RBFOX1: variants seen among roughly 807,000 people sequenced by gnomAD.
RBFOX1 encodes RNA binding fox-1 homolog 1, also known as RNA binding protein fox-1 homolog 1.
RBFOX1 carries 8 observed loss-of-function variants against 57.7 expected under a neutral mutation model. The observed-to-expected ratio is 0.14, with a 90% CI of 0.08 to 0.25. The LOEUF (loss-of-function observed/expected upper bound fraction) is 0.25, where lower values mean the gene tolerates loss of function less well. Ranked by LOEUF, RBFOX1 falls within the 10% of genes least tolerant of loss-of-function variation. The probability of loss-of-function intolerance (pLI) is 1.00; values close to 1 mark genes in which losing one functional copy is unlikely to be tolerated. For missense variants in RBFOX1, 611 were observed against 548.5 expected (o/e 1.11, Z -1.14); for synonymous variants, 326 against 222.4 (o/e 1.47, Z -4.15).
intron 2 of RBFOX1, among the ~76,000 whole-genome samples, chr16:5,521,467 A>G (rs890807039): frequency 2.0e-4 from 31 of 152,138 alleles, no homozygotes; most frequent in African/African-American, 7.5e-4. Context: ...ATCTCTTTGT[A>G]TCCTCCATCT....
chr16:7,412,785 G>A (rs1048547116), intron 4 of RBFOX1, among the ~76,000 whole-genome samples: 2 of 152,218 alleles, frequency 1.3e-5, no homozygotes, highest in Non-Finnish European at 2.9e-5. Flanking sequence ...GCTCACGCCT[G>A]TGATCCCAGA....
chr16:6,788,909 A>C (rs1398027646), intron 3 of RBFOX1, among the ~76,000 whole-genome samples: 1 of 152,170 alleles, frequency 6.6e-6, no homozygotes, highest in African/African-American at 2.4e-5. Context: ...CTAAGAACTC[A>C]GCGTCCCCAA....
chr16:5,527,451 G>C (rs760083258), intron 2 of RBFOX1, among the ~76,000 whole-genome samples: 2 of 152,198 alleles, frequency 1.3e-5, no homozygotes, highest in Non-Finnish European at 2.9e-5. Flanking sequence ...GCATTGGAAA[G>C]TTGGAAGCAA....
intron 4 of RBFOX1, among the ~76,000 whole-genome samples, chr16:5,974,674 A>G (rs886766982): frequency 1.3e-5 from 2 of 152,118 alleles, no homozygotes; most frequent in Non-Finnish European, 2.9e-5. Flanking sequence ...TAAGGATTTC[A>G]TTAGTTGTAA....
chr16:6,961,125 A>G (rs1225628701), intron 3 of RBFOX1, among the ~76,000 whole-genome samples: 1 of 146,428 alleles, frequency 6.8e-6, no homozygotes, highest in African/African-American at 2.6e-5. Flanking sequence ...CCTGGGCAAT[A>G]GAGACTCCAT....
chr16:7,301,530 G>A (rs2096032993), intron 4 of RBFOX1, among the ~76,000 whole-genome samples: 1 of 152,198 alleles, frequency 6.6e-6, no homozygotes, highest in Admixed American at 6.5e-5. Context: ...TCCAACTTTG[G>A]GGAGAAAACG....
chr16:5,898,533 T>A (rs951100103), intron 4 of RBFOX1, among the ~76,000 whole-genome samples: 2 of 151,974 alleles, frequency 1.3e-5, no homozygotes, highest in African/African-American at 4.8e-5. Context: ...GGGTTTTTTT[T>A]TTTTTGGTCA....
chr16:7,511,630 T>C (rs774630627), intron 4 of RBFOX1, among the ~76,000 whole-genome samples: 6 of 152,176 alleles, frequency 3.9e-5, no homozygotes, highest in Non-Finnish European at 7.3e-5. Context: ...CTTTTTTTTT[T>C]GCTTTTATGA....
At chr16:6,772,531 G>T (rs1338353282) in intron 3 of RBFOX1, among the ~76,000 whole-genome samples, 1 of 151,114 alleles carries the variant, frequency 6.6e-6, no homozygotes, top group Non-Finnish European at 1.5e-5. Flanking sequence ...TGGGTATGGG[G>T]CGCATTTGTG....
At chr16:6,817,705 AG>A (rs1179079745) in intron 3 of RBFOX1, among the ~76,000 whole-genome samples, 1 of 151,754 alleles carries the variant, frequency 6.6e-6, no homozygotes, top group Non-Finnish European at 1.5e-5. Context: ...TCTGTCTCAA[AG>A]AAAAAAAAAA....
intron 4 of RBFOX1, among the ~76,000 whole-genome samples, chr16:5,879,447 A>G (rs1029402468): frequency 6.6e-6 from 1 of 152,168 alleles, no homozygotes; most frequent in Non-Finnish European, 1.5e-5. Context: ...CTCCTGCCTC[A>G]GGCTCCTAGG....
intron 3 of RBFOX1, among the ~76,000 whole-genome samples, chr16:6,856,490 C>A (rs1368263710): frequency 6.6e-6 from 1 of 152,104 alleles, no homozygotes; most frequent in Admixed American, 6.6e-5. Context: ...TAAAGGTTAT[C>A]ATTGCCCTCT....
intron 4 of RBFOX1, among the ~76,000 whole-genome samples, chr16:7,153,868 C>T (rs1432203111): frequency 1.3e-5 from 2 of 151,852 alleles, no homozygotes; most frequent in Non-Finnish European, 2.9e-5. Context: ...GTTCTTGATA[C>T]CAGGCAGGAA....
At chr16:7,404,718 A>AAACC (rs1279303891) in intron 4 of RBFOX1, among the ~76,000 whole-genome samples, 1 of 152,150 alleles carries the variant, frequency 6.6e-6, no homozygotes, top group African/African-American at 2.4e-5. Flanking sequence ...ACAAACAAAC[A>AAACC]AACAAACAAA....
chr16:6,854,677 C>T lies in RBFOX1; in HGVS notation c.-15-197380C>T, dbSNP rs184120307. Among the ~76,000 whole-genome samples, 10 of 140,984 alleles carry T rather than the reference C, an allele frequency of 7.1e-5. No individual in the cohort carries two copies. In the East Asian group the frequency reaches 2.2e-3, roughly 31 times the overall value. The allele number at this position is 140,984 out of a possible 152,430, so 92.5% of individuals were successfully genotyped here. The stretch of plus-strand genomic sequence containing the variant: ...TGGCGCTATCTGGGCTCACTGCAAG[C>T]TCCGCCTCCTGGGTTCAAGTCGTTC... On this transcript the variant is annotated intron_variant, in intron 3 of 15. Transcript: ENST00000550418.
intron 2 of RBFOX1, among the ~76,000 whole-genome samples, chr16:6,653,772 G>T (rs2098621074): frequency 6.6e-6 from 1 of 151,762 alleles, no homozygotes; most frequent in African/African-American, 2.4e-5. Flanking sequence ...ATGGGTGGAT[G>T]GATGGATAGG....
chr16:7,495,866 A>G lies in RBFOX1; in HGVS notation c.28-22281A>G, dbSNP rs562698917. Among the ~76,000 whole-genome samples the G allele has an allele frequency of 3.8e-4, 57 of 151,096 alleles. 1 individual carries two copies. The highest frequency in any genetic ancestry group is 1.4e-3 in the African/African-American group (56 of 41,066). On this transcript the variant is annotated intron_variant, in intron 4 of 15. Coordinates refer to ENST00000550418, the MANE Select transcript of RBFOX1 (RefSeq NM_018723.4). ...AAAAACCAATTGAAATAAAAAATAA[A>G]TTACTTTTTTTCTTCTCCATTCAAA...
chr16:7,044,771 C>G (rs929279829), intron 3 of RBFOX1, among the ~76,000 whole-genome samples: 2 of 152,110 alleles, frequency 1.3e-5, no homozygotes, highest in Non-Finnish European at 1.5e-5. Flanking sequence ...AGATATTTTT[C>G]AAGGCTAGCT....
rs142919715 is a variant in RBFOX1 at position 5,640,833 on chromosome 16, G to GCACA, written c.318+41892_318+41895dup. ...ATGCACACCATGGATACACATACAT[G>GCACA]CACACACACACACACACACACACCA... On this transcript the variant is annotated intron_variant, in intron 3 of 19. Coordinates refer to the RBFOX1 transcript ENST00000641259. Among the ~76,000 whole-genome samples the GCACA allele has an allele frequency of 6.0e-3, 862 of 142,758 alleles. 8 individuals are homozygous for GCACA. Among genetic ancestry groups the GCACA allele is most frequent in the African/African-American group, 0.022 (817 of 37,796 alleles). 93.7% of individuals were successfully genotyped at this position (142,758 alleles called of 152,430 possible).
Sources: gnomAD v4.1 joint callset for allele counts (sites outside exome capture counted in the v4.1 genomes callset) on GRCh38, gnomAD v4.1.1 for gene constraint, MANE v1.5 for transcripts, NCBI Gene and HGNC (gene_info 2026-07-23, HGNC 2026-07-21) for gene names.